The following LBR variants were observed in gnomAD, a reference collection of about 807,000 sequenced individuals.
LBR encodes the protein lamin B receptor, also known as delta(14)-sterol reductase LBR.
In LBR, 28 loss-of-function variants were observed where a neutral mutation model predicts 74.3. The ratio of observed to expected loss-of-function variants is 0.38; its 90% CI spans 0.28 to 0.52. The LOEUF (loss-of-function observed/expected upper bound fraction) is 0.52, where lower values mean the gene tolerates loss of function less well. Among genes scored for constraint, LBR ranks in the 20% least tolerant of loss-of-function variants. The pLI is 0.89. For missense variants in LBR, 717 were observed against 760.3 expected, an observed-to-expected ratio of 0.94 and a Z score of 0.67; for synonymous variants, 228 against 269.3, an observed-to-expected ratio of 0.85 and a Z score of 1.50.
At chr1:225,421,005 A>G (rs2096126534) in intron 3 of LBR, among the ~76,000 whole-genome samples, 1 of 152,224 alleles carries the variant, frequency 6.6e-6, no homozygotes, top group African/African-American at 2.4e-5. Context: ...AAGGAAAAAC[A>G]CTAAATGTCT....
Position 225,406,648 on chromosome 1 carries a change from T to A in LBR, c.1483+16A>T, listed in dbSNP as rs1207830242. 1 of 1,603,632 alleles carries A rather than the reference T, an allele frequency of 6.2e-7. No individual in the cohort carries two copies. On this transcript the variant is annotated intron_variant, in intron 11 of 13. Transcript: ENST00000272163. The stretch of plus-strand genomic sequence containing the variant: ...AATATTTAATAAATTAAACTGAGAC[T>A]AAAATTAATACTCACGTTTCAGAAC...
chr1:225,408,040 TA>T (rs2150946425), intron 10 of LBR, among the ~76,000 whole-genome samples: 1 of 152,358 alleles, frequency 6.6e-6, no homozygotes, highest in African/African-American at 2.4e-5. Flanking sequence ...GTGTTAGGAA[TA>T]TTCAATATCC....
At position 225,403,271 on chromosome 1, in the gene LBR, CAGG is replaced by C. The variant is rs761413449; in HGVS notation, c.*29_*31del. ...TTTTTGCAAATGGCAGCTGGAATTG[CAGG>C]AGTATTTTGTAGAAAAGCCAGAAGA... is the stretch of plus-strand genomic sequence containing the variant. On this transcript the variant is annotated 3_prime_UTR_variant, in exon 14 of 14. Transcript: ENST00000272163. 2 of 1,605,648 alleles carry C rather than the reference CAGG, an allele frequency of 1.2e-6. No homozygotes were observed. Among genetic ancestry groups the C allele is most frequent in the East Asian group, 2.2e-5 (1 of 44,850 alleles).
At chr1:225,418,931 T>C (rs747774000) in intron 5 of LBR, among the ~76,000 whole-genome samples, 6 of 152,256 alleles carry the variant, frequency 3.9e-5, no homozygotes, top group Non-Finnish European at 7.3e-5. Flanking sequence ...TCTCTGTCCC[T>C]GATAAGTAAC....
chr1:225,417,765 A>T (rs2096120329), intron 6 of LBR: 1 of 545,328 alleles, frequency 1.8e-6, no homozygotes. Flanking sequence ...ACAGCACAAG[A>T]GAAATGGCTT....
chr1:225,404,335 C>G, intron 13 of LBR, 69 bp downstream of exon 13: 1 of 1,606,936 alleles, frequency 6.2e-7, no homozygotes, highest in Non-Finnish European at 8.5e-7. Flanking sequence ...CTGTCCCACA[C>G]AAAGGACACA....
chr1:225,423,963 G>T lies in LBR; in HGVS notation c.113C>A (p.Thr38Asn), dbSNP rs555819295. ...CTCTGTTCCATCTTTATACTTCACA[G>T]TGTAAAGCTGGGAGGTGCTGTCGTG... ...LSHDSTSQLY[T>N]VKYKDGTELE... is the part of the protein sequence containing the mutation. Residue 38 changes from threonine (T) to asparagine (N), a missense_variant, in exon 2 of 14, where the codon ACT becomes AAT. Coordinates refer to ENST00000272163, the MANE Select transcript of LBR (RefSeq NM_002296.4). The T allele has an allele frequency of 3.1e-6, 5 of 1,613,726 alleles. No individual in the cohort carries two copies. The Admixed American group carries it at 8.3e-5, about 27-fold the overall frequency.
intron 7 of LBR, chr1:225,413,786 T>C: frequency 2.9e-6 from 1 of 346,622 alleles, no homozygotes; most frequent in South Asian, 2.3e-5. Flanking sequence ...GAAATCTCAA[T>C]ACTTGAACCA....
intron 3 of LBR, among the ~76,000 whole-genome samples, chr1:225,420,368 T>C (rs374657862): frequency 1.5e-4 from 22 of 151,186 alleles, no homozygotes; most frequent in Admixed American, 4.0e-4. Context: ...CATAATTTCA[T>C]TGATAGATTT....
intron 8 of LBR, among the ~76,000 whole-genome samples, chr1:225,411,967 G>A (rs543772977): frequency 5.3e-5 from 8 of 152,168 alleles, no homozygotes; most frequent in African/African-American, 1.7e-4. Flanking sequence ...GCACCACCAC[G>A]CCCAGCTGAT....
At chr1:225,404,291 G>A (rs1443224463) in intron 13 of LBR, 113 bp downstream of exon 13, 4 of 1,435,948 alleles carry the variant, frequency 2.8e-6, no homozygotes, top group African/African-American at 2.8e-5. Flanking sequence ...AGTAGAAAAG[G>A]GCGACAAAAA....
chr1:225,425,011 G>A (rs2096136284), intron 1 of LBR, among the ~76,000 whole-genome samples: 1 of 152,210 alleles, frequency 6.6e-6, no homozygotes, highest in Admixed American at 6.5e-5. Context: ...CCAAGGGGCA[G>A]CCAGTAGGAC....
chr1:225,409,608 G>C (rs2096100331), intron 10 of LBR, among the ~76,000 whole-genome samples: 1 of 152,164 alleles, frequency 6.6e-6, no homozygotes, highest in East Asian at 1.9e-4. Context: ...AAGAAAACTA[G>C]AGTTGGAATT....
chr1:225,415,638 A>G (rs949359419), intron 6 of LBR, among the ~76,000 whole-genome samples: 2 of 152,150 alleles, frequency 1.3e-5, no homozygotes, highest in Admixed American at 6.5e-5. Context: ...CCTCAAGACT[A>G]AATGTGCTTA....
At position 225,411,246 on chromosome 1, in the gene LBR, C is replaced by T. The variant is rs1328400765; in HGVS notation, c.1188+91G>A. On this transcript the variant is annotated intron_variant, in intron 9 of 13. Transcript: ENST00000272163. Reference sequence around the variant, plus strand: ...ATAATTATCCCTAAAAATATACCACCCACTGCTTATTTTTGAATGGTCTAC... The same window carrying T: ...ATAATTATCCCTAAAAATATACCACTCACTGCTTATTTTTGAATGGTCTAC... 4.5e-6 allele frequency: 4 copies of T among 882,560 alleles called. No individual in the cohort carries two copies. In the East Asian group the frequency reaches 7.2e-5, roughly 16 times the overall value. 54.7% of individuals were successfully genotyped at this position (882,560 alleles called of 1,614,324 possible). A position where few individuals can be genotyped will look rare whatever the true frequency, so the allele number is the denominator to read the frequency against.
At chr1:225,415,929 G>A (rs1414370879) in intron 6 of LBR, among the ~76,000 whole-genome samples, 4 of 152,252 alleles carry the variant, frequency 2.6e-5, no homozygotes, top group Non-Finnish European at 5.9e-5. Context: ...GAAACCAGGT[G>A]TGGTGACTCA....
intron 10 of LBR, among the ~76,000 whole-genome samples, chr1:225,409,590 A>C (rs1302019191): frequency 6.6e-6 from 1 of 152,228 alleles, no homozygotes; most frequent in South Asian, 2.1e-4. Flanking sequence ...ATTTGTTTTT[A>C]ATATGGAAAG....
At chr1:225,419,983 T>A (rs1469407037) in intron 3 of LBR, among the ~76,000 whole-genome samples, 185 bp from the exon 4 acceptor site, 2 of 152,142 alleles carry the variant, frequency 1.3e-5, no homozygotes, top group Non-Finnish European at 2.9e-5. Context: ...AATTTCCCAG[T>A]CTCTGAAATA....
intron 1 of LBR, 169 bp downstream of exon 1, chr1:225,427,785 A>C (rs2096143164): frequency 6.6e-6 from 1 of 151,988 alleles, no homozygotes; most frequent in Non-Finnish European, 1.5e-5. Context: ...AAAGGCGAGG[A>C]GGGGAGGAGA....
Sources: gnomAD v4.1 joint callset for allele counts (sites outside exome capture counted in the v4.1 genomes callset) on GRCh38, gnomAD v4.1.1 for gene constraint, MANE v1.5 for transcripts, NCBI Gene and HGNC (gene_info 2026-07-23, HGNC 2026-07-21) for gene names.